The following NRXN3 variants were observed in gnomAD, a reference collection of about 807,000 sequenced individuals.
The protein encoded by NRXN3 is neurexin 3.
A neutral mutation model predicts 137.6 loss-of-function variants in NRXN3; 32 were observed. That is an observed-to-expected ratio of 0.23 (90% CI 0.18 to 0.31). The LOEUF (loss-of-function observed/expected upper bound fraction) is 0.31, where lower values mean the gene tolerates loss of function less well. Ranked by LOEUF, NRXN3 falls within the 10% of genes least tolerant of loss-of-function variation. NRXN3 has a pLI of 1.00. For missense variants in NRXN3, 1,574 were observed against 2,062.5 expected (o/e 0.76, Z 4.59); for synonymous variants, 798 against 784.5 (o/e 1.02, Z -0.29).
At chr14:78,628,677 T>C (rs1014559350) in intron 4 of NRXN3, among the ~76,000 whole-genome samples, 7 of 152,178 alleles carry the variant, frequency 4.6e-5, no homozygotes, top group Admixed American at 3.3e-4. Flanking sequence ...ATAAAGGATA[T>C]GTAATCTGGT....
Position 79,795,484 on chromosome 14 carries a change from C to T in NRXN3, c.4015-9628C>T, listed in dbSNP as rs377253533. ...GCATGAATAGGGATAAATTCTCAAT[C>T]GAAAGCTGACCTCCTCTGCATTTTT... On this transcript the variant is annotated intron_variant, in intron 19 of 20. Coordinates refer to ENST00000335750, the MANE Select transcript of NRXN3 (RefSeq NM_001330195.2). 4.5e-4 allele frequency among the ~76,000 whole-genome samples: 69 copies of T among 152,258 alleles called. No individual in the cohort carries two copies. The South Asian group carries it at 8.7e-3, about 19-fold the overall frequency.
intron 4 of NRXN3, among the ~76,000 whole-genome samples, chr14:78,489,177 C>T (rs913489860): frequency 2.0e-5 from 3 of 152,250 alleles, no homozygotes; most frequent in Admixed American, 1.3e-4. Context: ...TCTCCAGGGA[C>T]GCTGATGACT....
intron 10 of NRXN3, among the ~76,000 whole-genome samples, chr14:78,954,772 T>G (rs1041255884): frequency 2.7e-5 from 4 of 149,878 alleles, no homozygotes; most frequent in Non-Finnish European, 4.4e-5. Context: ...GCCTGGTTTT[T>G]TTTTTTTTTT....
rs56226324 is a variant in NRXN3 at position 79,034,349 on chromosome 14, T to TACACAC, written c.3262+46232_3262+46237dup. Among the ~76,000 whole-genome samples the TACACAC allele has an allele frequency of 6.0e-3, 869 of 144,524 alleles. 15 individuals are homozygous for TACACAC. Among genetic ancestry groups the TACACAC allele is most frequent in the African/African-American group, 0.018 (682 of 38,026 alleles). The allele number at this position is 144,524 out of a possible 152,430, so 94.8% of individuals were successfully genotyped here. On this transcript the variant is annotated intron_variant, in intron 15 of 20. Coordinates refer to ENST00000335750, the MANE Select transcript of NRXN3 (RefSeq NM_001330195.2). ...TACTATAATTATGGTTCTTATTTCT[T>TACACAC]ACACACACACACACACACACACACA...
Position 78,437,347 on chromosome 14 carries a change from C to CTT in NRXN3, c.757+139499_757+139500dup, listed in dbSNP as rs201830022. Reference sequence around the variant, plus strand: ...TATTTTTTTCTTTTCTTTTCTTTTTCTTTTTTTTTTTTTATTTTTGAGACA... The same window carrying CTT: ...TATTTTTTTCTTTTCTTTTCTTTTTCTTTTTTTTTTTTTTTATTTTTGAGACA... On this transcript the variant is annotated intron_variant, in intron 4 of 20. Coordinates refer to ENST00000335750, the MANE Select transcript of NRXN3 (RefSeq NM_001330195.2). Among the ~76,000 whole-genome samples, 818 of 143,468 alleles carry CTT rather than the reference C, an allele frequency of 5.7e-3. 1 individual carries two copies. The highest frequency in any genetic ancestry group is 0.019 in the African/African-American group (762 of 39,140). 94.1% of individuals were successfully genotyped at this position (143,468 alleles called of 152,430 possible).
intron 2 of NRXN3, among the ~76,000 whole-genome samples, chr14:78,247,265 T>C (rs2153457312): frequency 6.6e-6 from 1 of 152,334 alleles, no homozygotes; most frequent in Middle Eastern, 3.4e-3. Context: ...CTATTTTGAT[T>C]CCCCGTTGGG....
At chr14:79,525,841 T>A (rs995750680) in intron 16 of NRXN3, among the ~76,000 whole-genome samples, 5 of 152,322 alleles carry the variant, frequency 3.3e-5, no homozygotes, top group African/African-American at 1.2e-4. Context: ...GATTCTCATT[T>A]GGGGCAGGGA....
At position 79,719,846 on chromosome 14, in the gene NRXN3, TATG is replaced by T. The variant is rs752077561; in HGVS notation, c.4014+21912_4014+21914del. ...TTGTTTATCTATAAAATGAAGATAATATGATCATTTCTGTAGGAGTTTTGAGTC... is the reference window on the plus strand; with the variant it reads ...TTGTTTATCTATAAAATGAAGATAATATCATTTCTGTAGGAGTTTTGAGTC... On this transcript the variant is annotated intron_variant, in intron 19 of 20. Coordinates refer to ENST00000335750, the MANE Select transcript of NRXN3 (RefSeq NM_001330195.2). 3.1e-4 allele frequency among the ~76,000 whole-genome samples: 47 copies of T among 152,242 alleles called. No homozygotes were observed. In the East Asian group the frequency reaches 3.1e-3, roughly 10 times the overall value.
intron 1 of NRXN3, among the ~76,000 whole-genome samples, chr14:78,172,381 G>A (rs1415472411): frequency 1.3e-5 from 2 of 152,112 alleles, no homozygotes; most frequent in East Asian, 1.9e-4. Flanking sequence ...AAATGGTCCC[G>A]CTGGTTATGA....
At chr14:79,235,836 C>G (rs575690840) in intron 15 of NRXN3, among the ~76,000 whole-genome samples, 1 of 152,124 alleles carries the variant, frequency 6.6e-6, no homozygotes, top group African/African-American at 2.4e-5. Flanking sequence ...TTGTACTCAT[C>G]ATCACTAGAT....
chr14:79,299,099 CTTAT>C (rs539605150), intron 15 of NRXN3, among the ~76,000 whole-genome samples: 1,986 of 152,178 alleles, frequency 0.013, 49 homozygotes, highest in African/African-American at 0.045. Flanking sequence ...AAGAAAGAGG[CTTAT>C]TTATTTATTT....
chr14:78,946,477 T>G (rs1357968298), intron 10 of NRXN3, among the ~76,000 whole-genome samples: 1 of 152,228 alleles, frequency 6.6e-6, no homozygotes, highest in Non-Finnish European at 1.5e-5. Context: ...TCTAAGCTCC[T>G]TTAGAACAGT....
chr14:78,344,836 ACT>A (rs1327494258), intron 4 of NRXN3, among the ~76,000 whole-genome samples: 5 of 151,832 alleles, frequency 3.3e-5, no homozygotes, highest in African/African-American at 1.2e-4. Flanking sequence ...CCCCATCTCA[ACT>A]CTCAGATTCT....
At chr14:79,677,174 A>AT (rs904870619) in intron 17 of NRXN3, among the ~76,000 whole-genome samples, 1 of 152,024 alleles carries the variant, frequency 6.6e-6, no homozygotes, top group Admixed American at 6.6e-5. Context: ...TTATTGAAAT[A>AT]TTTTTTATAT....
At chr14:78,314,828 CATTT>C (rs1156316675) in intron 4 of NRXN3, among the ~76,000 whole-genome samples, 2 of 152,070 alleles carry the variant, frequency 1.3e-5, no homozygotes, top group Non-Finnish European at 2.9e-5. Context: ...ACTTCTCATT[CATTT>C]TTCTATTACA....
chr14:78,612,083 G>T (rs1350830371), intron 4 of NRXN3, among the ~76,000 whole-genome samples: 1 of 152,184 alleles, frequency 6.6e-6, no homozygotes, highest in African/African-American at 2.4e-5. Flanking sequence ...TTTTGCAAAA[G>T]ACCGTGGTAC....
rs141004513 is a variant in NRXN3 at position 78,578,252 on chromosome 14, A to C, written c.758-66868A>C. On this transcript the variant is annotated intron_variant, in intron 4 of 20. Transcript: ENST00000335750. ...TGTAATTATATTAATTATTTAGTAC[A>C]TACAAAGGTAAGCTCTGCAGAATTA... is the stretch of plus-strand genomic sequence containing the variant. Among the ~76,000 whole-genome samples, 51 of 152,322 alleles carry C rather than the reference A, an allele frequency of 3.3e-4. No homozygotes were observed. The East Asian group carries it at 9.5e-3, about 28-fold the overall frequency.
intron 17 of NRXN3, among the ~76,000 whole-genome samples, chr14:79,679,071 C>T (rs559479438): frequency 9.4e-5 from 14 of 149,652 alleles, no homozygotes; most frequent in Non-Finnish European, 1.9e-4. Flanking sequence ...TTTTCATTCA[C>T]ATCTTTTATT....
At chr14:78,233,552 T>C (rs8009477) in intron 1 of NRXN3, among the ~76,000 whole-genome samples, 96,916 of 151,926 alleles carry the variant, frequency 0.64, 31,071 homozygotes, top group Middle Eastern at 0.7. Context: ...ACAGGGAGCC[T>C]GCTTCATTTG....
Sources: allele counts gnomAD v4.1 joint callset (sites outside exome capture counted in the v4.1 genomes callset), GRCh38; gene constraint gnomAD v4.1.1; transcripts MANE v1.5; gene names NCBI Gene and HGNC (gene_info 2026-07-23, HGNC 2026-07-21).